OSBPL10: variants seen among roughly 807,000 people sequenced by gnomAD.
OSBPL10 encodes oxysterol binding protein like 10, also known as oxysterol-binding protein-related protein 10.
In OSBPL10, 49 loss-of-function variants were observed where a neutral mutation model predicts 81.7. That is an observed-to-expected ratio of 0.60 (90% CI 0.48 to 0.76). OSBPL10 has a LOEUF of 0.76. Ranked by LOEUF, OSBPL10 falls within the 30% of genes least tolerant of loss-of-function variation. The pLI is 0.00. For missense variants in OSBPL10, 923 were observed against 987.8 expected (o/e 0.93, Z 0.88); for synonymous variants, 419 against 383.6 (o/e 1.09, Z -1.08).
intron 2 of OSBPL10, chr3:31,990,215 T>TG (rs1253413571): frequency 6.2e-7 from 1 of 1,613,906 alleles, no homozygotes. Flanking sequence ...GGCAAAGCCT[T>TG]TAGTGGGCAG....
chr3:31,739,679 A>G (rs967091481), intron 5 of OSBPL10, among the ~76,000 whole-genome samples: 3 of 152,092 alleles, frequency 2.0e-5, no homozygotes, highest in African/African-American at 7.2e-5. Flanking sequence ...GCAAGCCATG[A>G]AGAGAGCCCT....
At chr3:31,847,217 G>A (rs1438304766) in intron 3 of OSBPL10, among the ~76,000 whole-genome samples, 2 of 133,274 alleles carry the variant, frequency 1.5e-5, no homozygotes, top group Non-Finnish European at 3.2e-5. Context: ...TTTTTAAAAA[G>A]ACAGAATTTC....
At chr3:31,921,253 A>G (rs1696904008) in intron 1 of OSBPL10, among the ~76,000 whole-genome samples, 1 of 152,152 alleles carries the variant, frequency 6.6e-6, no homozygotes, top group Non-Finnish European at 1.5e-5. Context: ...TTTTTATGTC[A>G]GCTAAGAGGA....
intron 1 of OSBPL10, among the ~76,000 whole-genome samples, chr3:31,926,757 C>G (rs562607498): frequency 7.2e-5 from 11 of 152,166 alleles, no homozygotes; most frequent in Non-Finnish European, 1.3e-4. Flanking sequence ...ATGAATGACA[C>G]AGCACCTATG....
At chr3:31,816,428 C>T (rs943501062) in intron 4 of OSBPL10, among the ~76,000 whole-genome samples, 1 of 152,166 alleles carries the variant, frequency 6.6e-6, no homozygotes, top group African/African-American at 2.4e-5. Context: ...CTTCGCTTTC[C>T]AGAAACAAGC....
intron 1 of OSBPL10, among the ~76,000 whole-genome samples, chr3:31,926,539 G>C (rs1469035246): frequency 6.6e-6 from 1 of 152,124 alleles, no homozygotes; most frequent in Non-Finnish European, 1.5e-5. Flanking sequence ...GGAATATGGA[G>C]ACAGGAAATC....
At chr3:31,788,982 T>C (rs1327829035) in intron 4 of OSBPL10, among the ~76,000 whole-genome samples, 4 of 152,066 alleles carry the variant, frequency 2.6e-5, no homozygotes, top group African/African-American at 9.7e-5. Flanking sequence ...TGGTTTTGTT[T>C]TGTTTTTTGT....
intron 4 of OSBPL10, among the ~76,000 whole-genome samples, chr3:31,797,281 C>T (rs1699252215): frequency 6.6e-6 from 1 of 152,100 alleles, no homozygotes; most frequent in Admixed American, 6.5e-5. Context: ...GCGTGAGCCA[C>T]TGCGCCTGGC....
intron 1 of OSBPL10, among the ~76,000 whole-genome samples, chr3:31,954,280 GC>G (rs1318381919): frequency 2.0e-5 from 3 of 152,114 alleles, no homozygotes; most frequent in African/African-American, 7.2e-5. Flanking sequence ...TGGCCTCTAA[GC>G]CCCTCAACTC....
chr3:31,887,897 C>T (rs1695781361), intron 1 of OSBPL10, among the ~76,000 whole-genome samples: 1 of 152,138 alleles, frequency 6.6e-6, no homozygotes, highest in Non-Finnish European at 1.5e-5. Context: ...TGTCTGTGAC[C>T]AGAGTCCCAC....
chr3:31,964,676 TAG>T (rs1698263341), intron 1 of OSBPL10, among the ~76,000 whole-genome samples: 1 of 152,188 alleles, frequency 6.6e-6, no homozygotes, highest in South Asian at 2.1e-4. Flanking sequence ...AAAATAATGA[TAG>T]GTGTGCCTCA....
chr3:31,822,773 G>A lies in OSBPL10; in HGVS notation c.729+7267C>T, dbSNP rs1467596293. On this transcript the variant is annotated intron_variant, in intron 4 of 11. Coordinates refer to ENST00000396556, the MANE Select transcript of OSBPL10 (RefSeq NM_017784.5). ...AAAAACTTTAAAAAAAATTAGCCAGGTATAGTGGCATATGCCTATACTCCT... is the reference window on the plus strand; with the variant it reads ...AAAAACTTTAAAAAAAATTAGCCAGATATAGTGGCATATGCCTATACTCCT... Among the ~76,000 whole-genome samples the A allele has an allele frequency of 2.0e-5, 3 of 151,510 alleles. No homozygotes were observed. The East Asian group carries it at 5.8e-4, about 29-fold the overall frequency.
chr3:31,999,481 C>A (rs1401256448), intron 2 of OSBPL10, among the ~76,000 whole-genome samples: 1 of 151,880 alleles, frequency 6.6e-6, no homozygotes, highest in South Asian at 2.1e-4. Context: ...CTGCCTCAGC[C>A]TCCTGAGTAG....
chr3:31,949,667 C>CAAAAAAAAAAAAAAAAAAAA (rs56002214), intron 1 of OSBPL10, among the ~76,000 whole-genome samples: 1 of 26,230 alleles, frequency 3.8e-5, no homozygotes, highest in African/African-American at 1.7e-4. Context: ...GACTCTGTCT[C>CAAAAAAAAAAAAAAAAAAAA]AAAAAAAAAA....
rs201314921 is a variant in OSBPL10, at chr3:31,830,180, G to A, written c.589C>T (p.Pro197Ser). The A allele has an allele frequency of 6.2e-7, 1 of 1,614,144 alleles. No homozygotes were observed. Among genetic ancestry groups the A allele is most frequent in the East Asian group, 2.2e-5 (1 of 44,872 alleles). Residue 197 changes from proline (P) to serine (S), a missense_variant, in exon 4 of 12, where the codon CCC becomes TCC. This residue lies in a region of OSBPL10 where 514 missense variants were observed against 508.0 expected (regional missense o/e 1.01). Transcript: ENST00000396556. ...TGGCTACAGGGAGACGCAGAATTGG[G>A]TGTTCCATGTGGGAGCAAAGTGAGA... ...RSLTLLPHGT[P>S]NSASPCSQRH...
intron 6 of OSBPL10, chr3:31,709,077 G>A (rs759580704): frequency 7.2e-6 from 7 of 976,532 alleles, no homozygotes; most frequent in Admixed American, 6.2e-5. Flanking sequence ...ATTCAACAAC[G>A]AGGCCACTGT....
At chr3:31,783,650 G>C (rs1698761252) in intron 4 of OSBPL10, among the ~76,000 whole-genome samples, 1 of 149,344 alleles carries the variant, frequency 6.7e-6, no homozygotes, top group African/African-American at 2.5e-5. Flanking sequence ...AATTAGCCAG[G>C]CATGGTGACA....
chr3:31,784,358 GAAAGGAAAAGGA>G (rs569884773), intron 4 of OSBPL10, among the ~76,000 whole-genome samples: 1 of 150,898 alleles, frequency 6.6e-6, no homozygotes, highest in African/African-American at 2.4e-5. Context: ...GATGGGAAAG[GAAAGGAAAAGGA>G]AAAGGAAAGG....
chr3:32,014,843 C>T (rs1286767404), intron 2 of OSBPL10, among the ~76,000 whole-genome samples: 3 of 152,100 alleles, frequency 2.0e-5, no homozygotes, highest in Non-Finnish European at 2.9e-5. Flanking sequence ...CTCCCATTCA[C>T]AATTGCTTCA....
Sources: gnomAD v4.1 joint callset for allele counts (sites outside exome capture counted in the v4.1 genomes callset) on GRCh38, gnomAD v4.1.1 for gene constraint, gnomAD v4.1.1 regional missense constraint, MANE v1.5 for transcripts, NCBI Gene and HGNC (gene_info 2026-07-23, HGNC 2026-07-21) for gene names.